APCDD1L: variants seen among roughly 807,000 people sequenced by gnomAD.
APCDD1L encodes the protein APC down-regulated 1 like.
In APCDD1L, 21 loss-of-function variants were observed where a neutral mutation model predicts 24.2. The ratio of observed to expected loss-of-function variants is 0.87; its 90% CI spans 0.61 to 1.25. The LOEUF (loss-of-function observed/expected upper bound fraction) is 1.25, where lower values mean the gene tolerates loss of function less well. APCDD1L is among the 50% of genes most tolerant of loss of function. The pLI, the probability that APCDD1L is intolerant of heterozygous loss-of-function variation, is 0.00. For missense variants in APCDD1L, 704 were observed against 711.7 expected, an observed-to-expected ratio of 0.99 and a Z score of 0.12; for synonymous variants, 321 against 323.6, an observed-to-expected ratio of 0.99 and a Z score of 0.09.
In APCDD1L at chr20:58,497,042, G is replaced by A. The variant is rs1077349; in HGVS notation, c.49+17617C>T. Among the ~76,000 whole-genome samples the A allele has an allele frequency of 0.79, 119,656 of 152,204 alleles. 47,337 individuals carry two copies. The highest frequency in any genetic ancestry group is 0.97 in the East Asian group (5,028 of 5,188). ...TAGAAGGTCTGAACTTGCAGACACC[G>A]GCCAGTGACAGGGGCCCTTTGAGGA... On this transcript the variant is annotated intron_variant, in intron 1 of 3. Coordinates refer to ENST00000371149, the MANE Select transcript of APCDD1L (RefSeq NM_153360.3). The surrounding 1 kb of genome is among the most constrained non-coding windows in gnomAD (Gnocchi z 4.3).
intron 2 of APCDD1L, among the ~76,000 whole-genome samples, chr20:58,468,125 G>A (rs570130965): frequency 6.6e-6 from 1 of 152,290 alleles, no homozygotes; most frequent in South Asian, 2.1e-4. Flanking sequence ...CTGTGACAGG[G>A]CTTGAAGATA....
intron 1 of APCDD1L, among the ~76,000 whole-genome samples, chr20:58,500,647 G>T (rs1198720011): frequency 6.6e-6 from 1 of 152,256 alleles, no homozygotes; most frequent in South Asian, 2.1e-4. Flanking sequence ...GGGACACCAA[G>T]GCTCCTTGTC....
At chr20:58,511,548 G>T (rs1389203239) in intron 1 of APCDD1L, among the ~76,000 whole-genome samples, 5 of 152,214 alleles carry the variant, frequency 3.3e-5, no homozygotes, top group African/African-American at 1.2e-4. Flanking sequence ...GGAGCTGGTT[G>T]TTTTGAATTT....
intron 1 of APCDD1L, chr20:58,513,897 A>T (rs1206250315): frequency 7.7e-7 from 1 of 1,304,216 alleles, no homozygotes. Context: ...ATTCTCAGCC[A>T]TTCATAATGT....
intron 1 of APCDD1L, among the ~76,000 whole-genome samples, chr20:58,474,708 C>A (rs1989874526): frequency 6.6e-6 from 1 of 151,814 alleles, no homozygotes; most frequent in Non-Finnish European, 1.5e-5. Flanking sequence ...CAGTCTCAAA[C>A]AAAACAAAAC....
rs575410820 is a variant in APCDD1L, at chr20:58,494,816, C to T, written c.49+19843G>A. Among the ~76,000 whole-genome samples, 22 of 152,328 alleles carry T rather than the reference C, an allele frequency of 1.4e-4. No homozygotes were observed. The South Asian group carries it at 2.7e-3, about 19-fold the overall frequency. On this transcript the variant is annotated intron_variant, in intron 1 of 3. Coordinates refer to ENST00000371149, the MANE Select transcript of APCDD1L (RefSeq NM_153360.3). This position sits in a 1 kb window ranked among gnomAD's most constrained non-coding sequence, Gnocchi z 4.8. ...CTCCTGGCATTCTGCACCCACTGAG[C>T]GCCTGGCAGTCCCTTGGCCACACCC...
chr20:58,495,933 T>C (rs1171859913), intron 1 of APCDD1L, among the ~76,000 whole-genome samples: 1 of 151,874 alleles, frequency 6.6e-6, no homozygotes, highest in Non-Finnish European at 1.5e-5. Flanking sequence ...CTCTCCAGGC[T>C]GGGCCCCTGT....
At chr20:58,478,384 C>CTT (rs1989954634) in intron 1 of APCDD1L, among the ~76,000 whole-genome samples, 1 of 151,482 alleles carries the variant, frequency 6.6e-6, no homozygotes, top group Non-Finnish European at 1.5e-5. Flanking sequence ...TCCTTCCTTC[C>CTT]CTCTGTCCTT....
At chr20:58,468,724 T>C (rs552696983) in intron 2 of APCDD1L, among the ~76,000 whole-genome samples, 27 of 152,228 alleles carry the variant, frequency 1.8e-4, no homozygotes, top group Admixed American at 4.6e-4. Flanking sequence ...TGTGCCACCA[T>C]GCCCGGCCAA....
intron 1 of APCDD1L, among the ~76,000 whole-genome samples, chr20:58,493,001 C>T (rs1454444723): frequency 2.0e-5 from 3 of 151,904 alleles, no homozygotes; most frequent in East Asian, 1.9e-4. Flanking sequence ...AGCATGCACA[C>T]ATGCATACAC....
Position 58,461,376 on chromosome 20 carries a change from T to A in APCDD1L, c.920A>T (p.His307Leu). The A allele has an allele frequency of 6.4e-7, 1 of 1,564,300 alleles. No individual in the cohort carries two copies. The highest frequency in any genetic ancestry group is 2.3e-5 in the East Asian group (1 of 44,168). ...FLTRLFTFHG[H>L]SRSWEGYYHH... ...GTAATACCCTTCCCAGGAGCGGCTG[T>A]GCCCGTGGAAAGTGAAGAGCCGGGT... Residue 307 changes from histidine (H) to leucine (L), a missense_variant, in exon 4 of 4, where the codon CAC becomes CTC. By Grantham distance (99) the His-to-Leu change is moderately conservative. Coordinates refer to ENST00000371149, the MANE Select transcript of APCDD1L (RefSeq NM_153360.3). The surrounding 1 kb of genome is among the most constrained non-coding windows in gnomAD (Gnocchi z 6.0).
chr20:58,484,952 G>GT (rs3069428), intron 1 of APCDD1L, among the ~76,000 whole-genome samples: 5,457 of 148,700 alleles, frequency 0.037, 299 homozygotes, highest in African/African-American at 0.12. Flanking sequence ...TGCTATTAAA[G>GT]TTTTTTTTTT....
chr20:58,493,543 C>T (rs767482942), intron 1 of APCDD1L, among the ~76,000 whole-genome samples: 1 of 152,216 alleles, frequency 6.6e-6, no homozygotes, highest in Non-Finnish European at 1.5e-5. Flanking sequence ...ACTACAGCCA[C>T]ACCTAATAGT....
chr20:58,464,810 C>A (rs1255061122), intron 3 of APCDD1L, among the ~76,000 whole-genome samples: 1 of 151,942 alleles, frequency 6.6e-6, no homozygotes, highest in African/African-American at 2.4e-5. Flanking sequence ...TTGGGGATTT[C>A]TCTGCAGCAA....
Position 58,508,993 on chromosome 20 carries a change from C to CAT in APCDD1L, c.49+5665_49+5666insAT, listed in dbSNP as rs1555825009. ...GCGCACGTGTGTGTGCATGTGCATG[C>CAT]GTGTGTGTGTGTGTGTGTGTGTGTG... is the stretch of plus-strand genomic sequence containing the variant. On this transcript the variant is annotated intron_variant, in intron 1 of 3. Transcript: ENST00000371149. This position sits in a 1 kb window ranked among gnomAD's most constrained non-coding sequence, Gnocchi z 4.0. Among the ~76,000 whole-genome samples, 2 of 149,424 alleles carry CAT rather than the reference C, an allele frequency of 1.3e-5. No homozygotes were observed. Among genetic ancestry groups the CAT allele is most frequent in the East Asian group, 2.0e-4 (1 of 5,012 alleles).
chr20:58,477,858 G>T (rs1480083284), intron 1 of APCDD1L, among the ~76,000 whole-genome samples: 2 of 152,156 alleles, frequency 1.3e-5, no homozygotes, highest in Non-Finnish European at 1.5e-5. Flanking sequence ...GAGCTCAAGA[G>T]ATCTGCCTGT....
At chr20:58,487,666 G>A (rs1398947242) in intron 1 of APCDD1L, among the ~76,000 whole-genome samples, 1 of 152,116 alleles carries the variant, frequency 6.6e-6, no homozygotes, top group Non-Finnish European at 1.5e-5. Context: ...AAACTGGGTG[G>A]CTACATCAAA....
intron 1 of APCDD1L, among the ~76,000 whole-genome samples, chr20:58,513,161 G>C (rs1990662176): frequency 6.6e-6 from 1 of 152,180 alleles, no homozygotes; most frequent in Non-Finnish European, 1.5e-5. Context: ...CAACGGCCTG[G>C]AGGAGGCGGA....
chr20:58,495,314 G>A (rs991998387), intron 1 of APCDD1L, among the ~76,000 whole-genome samples: 27 of 152,200 alleles, frequency 1.8e-4, no homozygotes, highest in Admixed American at 1.2e-3. Flanking sequence ...GAGTGTTAAG[G>A]CCAGTGTGGG....
Sources: allele counts gnomAD v4.1 joint callset (sites outside exome capture counted in the v4.1 genomes callset), GRCh38; gene constraint gnomAD v4.1.1; non-coding constraint Gnocchi (gnomAD v3.1); transcripts MANE v1.5; gene names NCBI Gene and HGNC (gene_info 2026-07-23, HGNC 2026-07-21).